The following PKD1 variants were observed in gnomAD, a reference collection of about 807,000 sequenced individuals.
PKD1 encodes the protein polycystin-1.
Under a neutral mutation model 361.7 loss-of-function variants are expected in PKD1, and 81 were observed. The ratio of observed to expected loss-of-function variants is 0.22; its 90% CI spans 0.19 to 0.27. The LOEUF (loss-of-function observed/expected upper bound fraction) is 0.27, where lower values mean the gene tolerates loss of function less well. Ranked by LOEUF, PKD1 falls within the 10% of genes least tolerant of loss-of-function variation. The probability of loss-of-function intolerance (pLI) is 1.00; values close to 1 mark genes in which losing one functional copy is unlikely to be tolerated. For missense variants in PKD1, 6,399 were observed against 6,118.3 expected, an observed-to-expected ratio of 1.05 and a Z score of -1.53; for synonymous variants, 3,615 against 2,818.3, an observed-to-expected ratio of 1.28 and a Z score of -8.95.
chr16:2,135,348 T>C, intron 1 of PKD1, 127 bp downstream of exon 1: 2 of 1,068,388 alleles, frequency 1.9e-6, no homozygotes, highest in Non-Finnish European at 2.3e-6. Context: ...AGGGCCGCCG[T>C]GCCGCGCCGG....
In PKD1 at chr16:2,089,175, C is replaced by T. The variant is rs1357548708; in HGVS notation, c.*552G>A. 1 of 172,866 alleles carries T rather than the reference C, an allele frequency of 5.8e-6. No homozygotes were observed. The highest frequency in any genetic ancestry group is 1.2e-5 in the Non-Finnish European group (1 of 80,384). 10.7% of individuals were successfully genotyped at this position (172,866 alleles called of 1,614,324 possible). ...GCTGCCATAACGCCACCACACCTAC[C>T]AAGCGCAGCAGGTGTTGGGGGAGGC... On this transcript the variant is annotated 3_prime_UTR_variant, in exon 46 of 46. Transcript: ENST00000262304.
intron 26 of PKD1, among the ~76,000 whole-genome samples, chr16:2,101,158 T>C (rs2092081422): frequency 6.6e-6 from 1 of 152,026 alleles, no homozygotes; most frequent in South Asian, 2.1e-4. Flanking sequence ...GCTAATTTTT[T>C]TGTACTTTTT....
In PKD1 at chr16:2,092,514, C is replaced by A. The variant is rs1218753947; in HGVS notation, c.11235G>T (p.Gly3745=). 1.9e-6 allele frequency: 3 copies of A among 1,611,770 alleles called. No individual in the cohort carries two copies. Among genetic ancestry groups the A allele is most frequent in the Non-Finnish European group, 2.5e-6 (3 of 1,179,064 alleles). ...VHGNQSSPEL[G]PPRLRQVRLQ... ...GCCGCACCTGCCGCAGCCGTGGGGGCCCCAGCTCTGGGCTGGACTGGTTCC... is the reference window on the plus strand; with the variant it reads ...GCCGCACCTGCCGCAGCCGTGGGGGACCCAGCTCTGGGCTGGACTGGTTCC... Residue 3745 remains glycine (G), a synonymous_variant, in exon 39 of 46, where the codon GGG becomes GGT. Transcript: ENST00000262304.
intron 1 of PKD1, 147 bp downstream of exon 1, chr16:2,135,328 C>G: frequency 9.3e-7 from 1 of 1,078,462 alleles, no homozygotes; most frequent in Non-Finnish European, 1.1e-6. Flanking sequence ...CCAGGCGTTC[C>G]TTATTTAGCA....
At chr16:2,101,458 T>C (rs2092093985) in intron 26 of PKD1, among the ~76,000 whole-genome samples, 1 of 151,740 alleles carries the variant, frequency 6.6e-6, no homozygotes, top group Non-Finnish European at 1.5e-5. Flanking sequence ...CTGGCTGACA[T>C]GGTGAAAAAT....
chr16:2,123,138 T>C (rs3936386), intron 1 of PKD1, among the ~76,000 whole-genome samples: 1 of 152,152 alleles, frequency 6.6e-6, no homozygotes, highest in Admixed American at 6.5e-5. Flanking sequence ...CAGGCAGCCC[T>C]GCCTGTCACC....
chr16:2,115,776 G>A (rs1281516759), intron 9 of PKD1, 151 bp from the exon 10 acceptor site: 54 of 1,030,380 alleles, frequency 5.2e-5, no homozygotes, highest in Admixed American at 1.1e-4. Flanking sequence ...GTCCGTCTCC[G>A]GCCAGCCGAC....
intron 37 of PKD1, 109 bp from the exon 38 acceptor site, chr16:2,093,202 G>A (rs2091680112): frequency 1.0e-5 from 14 of 1,354,770 alleles, no homozygotes; most frequent in Non-Finnish European, 1.3e-5. Flanking sequence ...GCAGGAAGGT[G>A]AGCTGGCAGG....
At chr16:2,105,286 C>T in intron 21 of PKD1, 36 bp downstream of exon 21, 2 of 1,590,468 alleles carry the variant, frequency 1.3e-6, no homozygotes, top group Non-Finnish European at 1.7e-6. Context: ...CCCTGGCAGG[C>T]ATGCGGGGCA....
In PKD1 at chr16:2,114,385, T is replaced by C. The variant is rs753074589; in HGVS notation, c.2638A>G (p.Thr880Ala). The C allele has an allele frequency of 1.4e-5, 22 of 1,608,416 alleles. No individual in the cohort carries two copies. The highest frequency in any genetic ancestry group is 2.2e-4 in the Middle Eastern group (1 of 4,452). The change falls in exon 11 of 46, where the codon ACC becomes GCC. Residue 880 changes from threonine (T) to alanine (A), a missense_variant. Thr to Ala is a moderately conservative substitution (Grantham distance 58). Coordinates refer to ENST00000262304, the MANE Select transcript of PKD1 (RefSeq NM_001009944.3). ...TCCCAGGGGCAGCCGGGCACGAAGG[T>C]GGCCACCAGGGCAGGGCAGACATTC... is the stretch of plus-strand genomic sequence containing the variant. ...FENVCPALVA[T>A]FVPGCPWETN...
At chr16:2,126,598 C>T (rs1317991360) in intron 1 of PKD1, among the ~76,000 whole-genome samples, 1 of 152,282 alleles carries the variant, frequency 6.6e-6, no homozygotes, top group Non-Finnish European at 1.5e-5. Context: ...CTGTGGCGCC[C>T]CCGCTGCTGT....
rs56279647 is a variant in PKD1 at position 2,088,881 on chromosome 16, GCA to G, written c.*844_*845del. ...ACAGCACACTCGCGCGTGCGCGCGC[GCA>G]CACACACACACACACAGTCACCTTC... On this transcript the variant is annotated 3_prime_UTR_variant, in exon 46 of 46. Transcript: ENST00000262304. 4,961 of 414,776 alleles carry G rather than the reference GCA, an allele frequency of 0.012. 23 individuals carry two copies. The highest frequency in any genetic ancestry group is 0.033 in the African/African-American group (1,465 of 44,576). The allele number at this position is 414,776 out of a possible 1,614,324, so 25.7% of individuals were successfully genotyped here.
rs776387576 is a variant in PKD1 at position 2,110,153 on chromosome 16, T to C, written c.5014A>G (p.Arg1672Gly). The C allele has an allele frequency of 5.6e-6, 9 of 1,610,210 alleles. No individual in the cohort carries two copies. Among genetic ancestry groups the C allele is most frequent in the South Asian group, 2.2e-5 (2 of 90,928 alleles). The change falls in exon 15 of 46, where the codon AGG (arginine) becomes GGG (glycine). Residue 1672 changes from arginine (R) to glycine (G), a missense_variant. Physicochemically the swap from Arg to Gly is moderately radical, Grantham distance 125 (BLOSUM62 -2). Coordinates refer to ENST00000262304, the MANE Select transcript of PKD1 (RefSeq NM_001009944.3). ...CCGCTGCCGGCCAGGGCCGGGCCCC[T>C]GTCCCTCCAGGCAGTCCAGCTGTAG... The part of the protein sequence containing the change: ...VSYSWTAWRD[R>G]GPALAGSGKG...
rs989369932 is a variant in PKD1 at position 2,135,695 on chromosome 16, G to A, written c.-6C>T. ...GCGGGCGCGGCGGGCGGCATCGTTAGGGCAGCGCGCGCATGGCCCCGCCGT... is the reference window on the plus strand; with the variant it reads ...GCGGGCGCGGCGGGCGGCATCGTTAAGGCAGCGCGCGCATGGCCCCGCCGT... On this transcript the variant is annotated 5_prime_UTR_variant, in exon 1 of 46. Coordinates refer to ENST00000262304, the MANE Select transcript of PKD1 (RefSeq NM_001009944.3). The A allele has an allele frequency of 3.8e-5, 33 of 863,378 alleles. No individual in the cohort carries two copies. In the African/African-American group the frequency reaches 5.3e-4, roughly 14 times the overall value. 53.5% of individuals were successfully genotyped at this position (863,378 alleles called of 1,614,324 possible).
In PKD1 at chr16:2,108,369, G is replaced by A. The variant is rs139215055; in HGVS notation, c.6798C>T (p.Arg2266=). 176 of 1,610,210 alleles carry A rather than the reference G, an allele frequency of 1.1e-4. No individual in the cohort carries two copies. Among genetic ancestry groups the A allele is most frequent in the Non-Finnish European group, 1.3e-4 (151 of 1,179,536 alleles). Residue 2266 remains arginine (R), a synonymous_variant, in exon 15 of 46, where the codon CGC becomes CGT. Coordinates refer to ENST00000262304, the MANE Select transcript of PKD1 (RefSeq NM_001009944.3). ...CCAGGTCCCGTGTGTCTGACCACAC[G>A]CGGTATGAGCCACCCTCAATGATGG... ...LVPIIEGGSY[R]VWSDTRDLVL... is the part of the protein sequence containing the mutation.
At chr16:2,099,334 G>A (rs1360228849) in intron 30 of PKD1, 4 of 407,822 alleles carry the variant, frequency 9.8e-6, no homozygotes, top group African/African-American at 6.2e-5. Context: ...ATTTTCTTCT[G>A]GAGTGCATTT....
rs768591119 is a variant in PKD1 at position 2,100,585 on chromosome 16, G to A, written c.9398-19C>T. The A allele has an allele frequency of 8.7e-6, 14 of 1,605,720 alleles. No homozygotes were observed. Among genetic ancestry groups the A allele is most frequent in the African/African-American group, 2.7e-5 (2 of 74,812 alleles). On this transcript the variant is annotated intron_variant, in intron 26 of 45. Coordinates refer to ENST00000262304, the MANE Select transcript of PKD1 (RefSeq NM_001009944.3). This position sits in a 1 kb window ranked among gnomAD's most constrained non-coding sequence, Gnocchi z 4.4. The stretch of plus-strand genomic sequence containing the variant: ...GTGGTACCTGGGAGGCAAGAGGGAG[G>A]GGTGGGAGGCTCGGTCTGCTGCCCA...
chr16:2,092,911 A>T lies in PKD1; in HGVS notation c.11156+43T>A, dbSNP rs762542761. 3.7e-6 allele frequency: 6 copies of T among 1,611,962 alleles called. No homozygotes were observed. The South Asian group carries it at 6.6e-5, about 18-fold the overall frequency. On this transcript the variant is annotated intron_variant, in intron 38 of 45. Coordinates refer to ENST00000262304, the MANE Select transcript of PKD1 (RefSeq NM_001009944.3). ...TAGGGTCTGGCTGGACTAAAGGCAAAACTAAAGCCCAGAAGACAGACCAGT... is the reference window on the plus strand; with the variant it reads ...TAGGGTCTGGCTGGACTAAAGGCAATACTAAAGCCCAGAAGACAGACCAGT...
intron 31 of PKD1, 29 bp from the exon 32 acceptor site, chr16:2,097,809 A>T: frequency 6.2e-7 from 1 of 1,611,324 alleles, no homozygotes; most frequent in Non-Finnish European, 8.5e-7. Context: ...CTTGAGTCCA[A>T]GCTGCGCCAA....
Sources: gnomAD v4.1 joint callset for allele counts (sites outside exome capture counted in the v4.1 genomes callset) on GRCh38, gnomAD v4.1.1 for gene constraint, Gnocchi (gnomAD v3.1) non-coding constraint, MANE v1.5 for transcripts, NCBI Gene and HGNC (gene_info 2026-07-23, HGNC 2026-07-21) for gene names.